DLG2: variants seen among roughly 807,000 people sequenced by gnomAD.
DLG2 encodes disks large homolog 2.
In DLG2, 45 loss-of-function variants were observed where a neutral mutation model predicts 132.5. The observed-to-expected ratio is 0.34, with a 90% CI of 0.27 to 0.44. The LOEUF is 0.44. Ranked by LOEUF, DLG2 falls within the 20% of genes least tolerant of loss-of-function variation. The pLI, the probability that DLG2 is intolerant of heterozygous loss-of-function variation, is 1.00. For synonymous variants in DLG2, 424 were observed against 419.6 expected, an observed-to-expected ratio of 1.01 and a Z score of -0.13; for missense variants, 1,045 against 1,196.9, an observed-to-expected ratio of 0.87 and a Z score of 1.87.
chr11:83,685,008 T>C (rs2153605562), intron 18 of DLG2, among the ~76,000 whole-genome samples: 1 of 152,278 alleles, frequency 6.6e-6, no homozygotes, highest in South Asian at 2.1e-4. Flanking sequence ...CTTAAATTAG[T>C]GATGGTGCTA....
At chr11:84,341,890 G>T (rs1201046934) in intron 7 of DLG2, among the ~76,000 whole-genome samples, 1 of 152,174 alleles carries the variant, frequency 6.6e-6, no homozygotes, top group Non-Finnish European at 1.5e-5. Flanking sequence ...CAAATTAGCA[G>T]TTTTTACAAA....
At chr11:85,322,182 C>T (rs770641458) in intron 3 of DLG2, among the ~76,000 whole-genome samples, 4 of 152,092 alleles carry the variant, frequency 2.6e-5, no homozygotes, top group African/African-American at 9.7e-5. Context: ...TGTACTTTGA[C>T]TCCAGTGGTA....
chr11:84,823,795 C>A (rs1264449095), intron 6 of DLG2, among the ~76,000 whole-genome samples: 1 of 151,754 alleles, frequency 6.6e-6, no homozygotes, highest in Non-Finnish European at 1.5e-5. Flanking sequence ...TGAATAGTGT[C>A]TAGCTCATAG....
chr11:84,733,467 C>T (rs1039492745), intron 6 of DLG2, among the ~76,000 whole-genome samples: 39 of 152,112 alleles, frequency 2.6e-4, no homozygotes, highest in African/African-American at 8.0e-4. Context: ...TCACATCCTT[C>T]GCCCACTTGT....
intron 6 of DLG2, among the ~76,000 whole-genome samples, chr11:85,093,528 A>G (rs1273937443): frequency 6.6e-6 from 1 of 152,206 alleles, no homozygotes; most frequent in Admixed American, 6.5e-5. Context: ...TAATTTATAA[A>G]GGAAAGAAGT....
chr11:85,039,165 T>C (rs1419648290), intron 6 of DLG2, among the ~76,000 whole-genome samples: 1 of 151,926 alleles, frequency 6.6e-6, no homozygotes, highest in Non-Finnish European at 1.5e-5. Flanking sequence ...AGTCAGCTTT[T>C]GGTTTATTCA....
At chr11:83,988,981 T>C (rs967879940) in intron 11 of DLG2, among the ~76,000 whole-genome samples, 5 of 152,140 alleles carry the variant, frequency 3.3e-5, no homozygotes, top group African/African-American at 1.2e-4. Flanking sequence ...TGGTCTATTT[T>C]GTACTATGCA....
In DLG2 at chr11:83,723,877, A is replaced by C. The variant is rs141387529; in HGVS notation, c.1825+62813T>G. Reference sequence around the variant, plus strand: ...TCTCAAAAAAAATAAATACATAAGTAAAAATAAAAAGCATGAACCTCAGAA... The same window carrying C: ...TCTCAAAAAAAATAAATACATAAGTCAAAATAAAAAGCATGAACCTCAGAA... On this transcript the variant is annotated intron_variant, in intron 18 of 27. Coordinates refer to ENST00000376104, the MANE Select transcript of DLG2 (RefSeq NM_001142699.3). Among the ~76,000 whole-genome samples, 361 of 152,298 alleles carry C rather than the reference A, an allele frequency of 2.4e-3. 2 individuals are homozygous for C. The highest frequency in any genetic ancestry group is 8.6e-3 in the African/African-American group (356 of 41,558).
At chr11:83,649,285 TG>T (rs1447399929) in intron 18 of DLG2, among the ~76,000 whole-genome samples, 1 of 152,152 alleles carries the variant, frequency 6.6e-6, no homozygotes, top group Non-Finnish European at 1.5e-5. Flanking sequence ...GCCCAGTGAC[TG>T]GTAAATACAA....
intron 19 of DLG2, among the ~76,000 whole-genome samples, chr11:83,610,568 G>A (rs561141164): frequency 6.6e-6 from 1 of 152,060 alleles, no homozygotes; most frequent in Non-Finnish European, 1.5e-5. Flanking sequence ...CAGATCTGTG[G>A]TAACCATAAT....
intron 6 of DLG2, among the ~76,000 whole-genome samples, chr11:84,752,157 T>G (rs999828172): frequency 6.6e-6 from 1 of 152,224 alleles, no homozygotes; most frequent in African/African-American, 2.4e-5. Context: ...AAGTTCTTTC[T>G]GTCTTGCTTG....
At chr11:83,865,146 C>T (rs373867295) in intron 16 of DLG2, among the ~76,000 whole-genome samples, 19 of 152,046 alleles carry the variant, frequency 1.2e-4, no homozygotes, top group Admixed American at 8.5e-4. Flanking sequence ...AAAGACAAGA[C>T]GGAAAAGGAC....
At chr11:83,641,845 A>T (rs1247547739) in intron 18 of DLG2, among the ~76,000 whole-genome samples, 2 of 150,690 alleles carry the variant, frequency 1.3e-5, no homozygotes, top group African/African-American at 4.9e-5. Flanking sequence ...TTTGGCTTAC[A>T]AATCCAAGAG....
chr11:85,448,998 A>G (rs1354156118), intron 3 of DLG2, among the ~76,000 whole-genome samples: 2 of 151,922 alleles, frequency 1.3e-5, no homozygotes, highest in Non-Finnish European at 2.9e-5. Flanking sequence ...ATCAAATGAA[A>G]CTCAGTCATT....
intron 19 of DLG2, among the ~76,000 whole-genome samples, chr11:83,565,249 G>A (rs1309687234): frequency 1.3e-5 from 2 of 152,116 alleles, no homozygotes; most frequent in South Asian, 2.1e-4. Flanking sequence ...CTCCCAGAAG[G>A]GTGGATATCT....
intron 15 of DLG2, among the ~76,000 whole-genome samples, chr11:83,885,119 G>A (rs1595917534): frequency 6.6e-6 from 1 of 152,366 alleles, no homozygotes; most frequent in South Asian, 2.1e-4. Context: ...CAAGTTGAGA[G>A]AAGAAGGCTT....
chr11:85,458,303 T>C (rs2092485259), intron 3 of DLG2, among the ~76,000 whole-genome samples: 1 of 152,208 alleles, frequency 6.6e-6, no homozygotes, highest in African/African-American at 2.4e-5. Context: ...GGTTATTCCT[T>C]ATAATGGCCA....
rs1303472464 is a variant in DLG2 at position 83,459,719 on chromosome 11, A to G, written c.*99T>C. On this transcript the variant is annotated 3_prime_UTR_variant, in exon 28 of 28. Coordinates refer to ENST00000376104, the MANE Select transcript of DLG2 (RefSeq NM_001142699.3). Reference sequence around the variant, plus strand: ...AAGAATTCACATTGACTGCAAAAACATAAATGCAACAAAAACATAAAAGCC... The same window carrying G: ...AAGAATTCACATTGACTGCAAAAACGTAAATGCAACAAAAACATAAAAGCC... 6 of 671,900 alleles carry G rather than the reference A, an allele frequency of 8.9e-6. No homozygotes were observed. Among genetic ancestry groups the G allele is most frequent in the Non-Finnish European group, 7.9e-6 (3 of 377,792 alleles). 41.6% of individuals were successfully genotyped at this position (671,900 alleles called of 1,614,324 possible).
intron 6 of DLG2, among the ~76,000 whole-genome samples, chr11:84,896,914 T>C (rs926855672): frequency 8.6e-5 from 13 of 151,886 alleles, no homozygotes; most frequent in Admixed American, 1.3e-4. Context: ...GTCTACAGTT[T>C]TGGGCATCCA....
Sources: allele counts gnomAD v4.1 joint callset (sites outside exome capture counted in the v4.1 genomes callset), GRCh38; gene constraint gnomAD v4.1.1; transcripts MANE v1.5; gene names NCBI Gene and HGNC (gene_info 2026-07-23, HGNC 2026-07-21).